The following BIN1 variants were observed in gnomAD, a reference collection of about 807,000 sequenced individuals.
The protein encoded by BIN1 is myc box-dependent-interacting protein 1.
Under a neutral mutation model 82.0 loss-of-function variants are expected in BIN1, and 53 were observed. The observed-to-expected ratio is 0.65, with a 90% confidence interval of 0.52 to 0.81. The LOEUF is 0.81. BIN1 is among the 40% of genes least tolerant of loss of function. The pLI, the probability that BIN1 is intolerant of heterozygous loss-of-function variation, is 0.00. For missense variants in BIN1, 642 were observed against 784.4 expected (o/e 0.82, Z 2.17); for synonymous variants, 302 against 328.0 (o/e 0.92, Z 0.86).
At chr2:127,095,207 C>G (rs1443863456) in intron 1 of BIN1, among the ~76,000 whole-genome samples, 1 of 152,264 alleles carries the variant, frequency 6.6e-6, no homozygotes, top group Non-Finnish European at 1.5e-5. Flanking sequence ...GCTCATTCCT[C>G]GTCCTGGAGT....
At chr2:127,076,037 C>T (rs954076875) in intron 2 of BIN1, among the ~76,000 whole-genome samples, 2 of 150,540 alleles carry the variant, frequency 1.3e-5, no homozygotes, top group Non-Finnish European at 3.0e-5. Flanking sequence ...CTACTCCCGG[C>T]CCTCGCAGCT....
rs775573748 is a variant in BIN1 at position 127,063,643 on chromosome 2, G to A, written c.702C>T (p.Arg234=). The change falls in exon 9 of 19, where the codon CGC becomes CGT. Residue 234 remains arginine (R), a synonymous_variant. Coordinates refer to ENST00000316724, the MANE Select transcript of BIN1 (RefSeq NM_139343.3). ...GGAACGTGTTGACGTAGAAACCTAC[G>A]CGGCTACAGAAGGGCGGAAGGATGG... ...QEELPSLWNS[R]VGFYVNTFQS... is the part of the protein sequence containing the mutation. The A allele has an allele frequency of 1.3e-5, 21 of 1,613,470 alleles. No individual in the cohort carries two copies. Among genetic ancestry groups the A allele is most frequent in the Admixed American group, 1.7e-5 (1 of 59,920 alleles).
intron 1 of BIN1, among the ~76,000 whole-genome samples, chr2:127,092,986 TAA>T (rs5834164): frequency 5.3e-5 from 7 of 131,896 alleles, no homozygotes; most frequent in African/African-American, 5.5e-5. Context: ...CCAATCCCTC[TAA>T]AAAAAAAAAA....
chr2:127,081,743 CAT>C (rs772570092), intron 1 of BIN1: 5 of 1,243,298 alleles, frequency 4.0e-6, no homozygotes, highest in Middle Eastern at 4.4e-4. Context: ...CCCACACACA[CAT>C]GGAAGGGGGA....
chr2:127,072,206 C>A (rs747632597), intron 2 of BIN1, among the ~76,000 whole-genome samples: 1 of 152,232 alleles, frequency 6.6e-6, no homozygotes, highest in African/African-American at 2.4e-5. Context: ...CAGGTGAAGG[C>A]CAGCAGGGAC....
rs1312539202 is a variant in BIN1 at position 127,057,531 on chromosome 2, A to T, written c.1073T>A (p.Ile358Asn). 6.5e-7 allele frequency: 1 copy of T among 1,546,578 alleles called. No individual in the cohort carries two copies. The highest frequency in any genetic ancestry group is 8.7e-7 in the Non-Finnish European group (1 of 1,143,382). Residue 358 changes from isoleucine to asparagine, a missense_variant, in exon 12 of 19, where the codon ATC (isoleucine) becomes AAC (asparagine). Ile to Asn is a moderately radical substitution (Grantham distance 149). Transcript: ENST00000316724. This position sits in a 1 kb window ranked among gnomAD's most constrained non-coding sequence, Gnocchi z 5.0. ...AAACGTGTCCTCAAACAGGCTGAGG[A>T]TCTGCTCCTGCTTGACTTCCTTGGA... ...TPSKEVKQEQILSLFEDTFVP... is the reference protein window; with the variant it reads ...TPSKEVKQEQNLSLFEDTFVP...
chr2:127,099,606 C>T (rs544456486), intron 1 of BIN1, among the ~76,000 whole-genome samples: 245 of 152,306 alleles, frequency 1.6e-3, no homozygotes, highest in African/African-American at 5.8e-3. Context: ...CGCCGCCTCC[C>T]GGGTTCAAGC....
chr2:127,081,852 C>G, intron 1 of BIN1: 1 of 1,287,866 alleles, frequency 7.8e-7, no homozygotes, highest in Non-Finnish European at 1.0e-6. Flanking sequence ...ATCTCCTCCC[C>G]ACCTGCCTGC....
intron 18 of BIN1, among the ~76,000 whole-genome samples, chr2:127,050,143 G>T (rs974848306): frequency 1.3e-5 from 2 of 152,184 alleles, no homozygotes; most frequent in African/African-American, 4.8e-5. Flanking sequence ...CTGAGCAAAG[G>T]GGGGACGTGG....
Position 127,070,803 on chromosome 2 carries a change from C to T in BIN1, c.179G>A (p.Arg60Gln), listed in dbSNP as rs1558835946. The change falls in exon 3 of 19, where the codon CGG (arginine) becomes CAG (glutamine). Residue 60 changes from arginine (R) to glutamine (Q), a missense_variant. By Grantham distance (43) the Arg-to-Gln change is conservative. Transcript: ENST00000316724. ...NFNKQLTEGTRLQKDLRTYLA... is the reference protein window; with the variant it reads ...NFNKQLTEGTQLQKDLRTYLA... ...GTAGGTCCGGAGATCCTTCTGCAGC[C>T]GGGTGCCCTCCGTCTGCAAAGAGAA... is the stretch of plus-strand genomic sequence containing the variant. 4.3e-6 allele frequency: 7 copies of T among 1,612,496 alleles called. No individual in the cohort carries two copies. Among genetic ancestry groups the T allele is most frequent in the Non-Finnish European group, 5.1e-6 (6 of 1,179,942 alleles).
chr2:127,087,724 A>C (rs1206355030), intron 1 of BIN1, among the ~76,000 whole-genome samples: 1 of 152,172 alleles, frequency 6.6e-6, no homozygotes, highest in Admixed American at 6.5e-5. Context: ...GAGGAAACCG[A>C]GAGTCCCATG....
In BIN1 at chr2:127,057,173, G is replaced by T. The variant is rs1007821294; in HGVS notation, c.1131+300C>A. Among the ~76,000 whole-genome samples, 1 of 152,226 alleles carries T rather than the reference G, an allele frequency of 6.6e-6. No individual in the cohort carries two copies. The highest frequency in any genetic ancestry group is 1.9e-4 in the East Asian group (1 of 5,196). On this transcript the variant is annotated intron_variant, in intron 12 of 18. Coordinates refer to ENST00000316724, the MANE Select transcript of BIN1 (RefSeq NM_139343.3). The surrounding 1 kb of genome is among the most constrained non-coding windows in gnomAD (Gnocchi z 5.0). ...CAGCCACACGTCCTCCACACTCCCC[G>T]ATCCCCTCTGCCATAGCACCCACTG...
chr2:127,090,815 G>A lies in BIN1; in HGVS notation c.85-14109C>T, dbSNP rs149129084. 5.3e-5 allele frequency among the ~76,000 whole-genome samples: 8 copies of A among 152,266 alleles called. No individual in the cohort carries two copies. Among genetic ancestry groups the A allele is most frequent in the East Asian group, 1.9e-4 (1 of 5,172 alleles). ...GGTGGGAAGGCAACAGCCACGGGTC[G>A]CCACACACTCCCACAGTCTTCATTA... On this transcript the variant is annotated intron_variant, in intron 1 of 18. Transcript: ENST00000316724. The surrounding 1 kb of genome is among the most constrained non-coding windows in gnomAD (Gnocchi z 6.4).
rs1222671341 is a variant in BIN1, at chr2:127,090,096, C to T, written c.85-13390G>A. Among the ~76,000 whole-genome samples the T allele has an allele frequency of 6.6e-6, 1 of 152,008 alleles. No individual in the cohort carries two copies. Among genetic ancestry groups the T allele is most frequent in the Non-Finnish European group, 1.5e-5 (1 of 67,992 alleles). On this transcript the variant is annotated intron_variant, in intron 1 of 18. Coordinates refer to ENST00000316724, the MANE Select transcript of BIN1 (RefSeq NM_139343.3). The surrounding 1 kb of genome is among the most constrained non-coding windows in gnomAD (Gnocchi z 6.4). ...GCCAGTTCCTTGGAACAGCATATAC[C>T]AACCACCCCCCTTCCTCTCTCCAAT...
At chr2:127,100,809 A>G (rs905116378) in intron 1 of BIN1, among the ~76,000 whole-genome samples, 1 of 152,108 alleles carries the variant, frequency 6.6e-6, no homozygotes. Flanking sequence ...CAAGAACAGC[A>G]GTAGGCTGAG....
intron 1 of BIN1, among the ~76,000 whole-genome samples, chr2:127,084,932 C>G (rs1307279749): frequency 6.6e-6 from 1 of 152,212 alleles, no homozygotes; most frequent in Non-Finnish European, 1.5e-5. Context: ...CTCCTCAGAA[C>G]CCAGTGAAGT....
intron 7 of BIN1, among the ~76,000 whole-genome samples, chr2:127,065,680 C>T (rs1347357312): frequency 6.6e-6 from 1 of 152,190 alleles, no homozygotes; most frequent in African/African-American, 2.4e-5. Context: ...CCCACAACTC[C>T]CCAGATGGCA....
At position 127,050,838 on chromosome 2, in the gene BIN1, G is replaced by C. The variant is rs753612525; in HGVS notation, c.1536C>G (p.Ala512=). The C allele has an allele frequency of 6.2e-7, 1 of 1,613,774 alleles. No homozygotes were observed. The highest frequency in any genetic ancestry group is 1.3e-5 in the African/African-American group (1 of 75,056). ...AACCTGGGGGCAGGTCCAAGCGCCCGGCCCCACTGCCGCCCTCCACGGTGC... is the reference window on the plus strand; with the variant it reads ...AACCTGGGGGCAGGTCCAAGCGCCCCGCCCCACTGCCGCCCTCCACGGTGC... ...VNGTVEGGSG[A]GRLDLPPGFM... is the part of the protein sequence containing the mutation. Residue 512 remains alanine (A), a synonymous_variant, in exon 17 of 19, where the codon GCC becomes GCG. Transcript: ENST00000316724.
intron 2 of BIN1, among the ~76,000 whole-genome samples, chr2:127,072,589 C>T (rs892535297): frequency 2.7e-5 from 4 of 150,840 alleles, no homozygotes; most frequent in African/African-American, 7.3e-5. Flanking sequence ...CAGAGCAGCA[C>T]ATAAGATGTA....
Sources: allele counts gnomAD v4.1 joint callset (sites outside exome capture counted in the v4.1 genomes callset), GRCh38; gene constraint gnomAD v4.1.1; non-coding constraint Gnocchi (gnomAD v3.1); transcripts MANE v1.5; gene names NCBI Gene and HGNC (gene_info 2026-07-23, HGNC 2026-07-21).